CDC14A: variants seen among roughly 807,000 people sequenced by gnomAD.
CDC14A encodes dual specificity protein phosphatase CDC14A.
In CDC14A, 53 loss-of-function variants were observed where a neutral mutation model predicts 74.4. The ratio of observed to expected loss-of-function variants is 0.71; its 90% CI spans 0.57 to 0.89. The LOEUF (loss-of-function observed/expected upper bound fraction) is 0.89, where lower values mean the gene tolerates loss of function less well. Ranked by LOEUF, CDC14A falls within the 40% of genes least tolerant of loss-of-function variation. The probability of loss-of-function intolerance (pLI) is 0.00; values close to 1 mark genes in which losing one functional copy is unlikely to be tolerated. For synonymous variants in CDC14A, 247 were observed against 258.4 expected, an observed-to-expected ratio of 0.96 and a Z score of 0.43; for missense variants, 646 against 713.7, an observed-to-expected ratio of 0.91 and a Z score of 1.08.
At chr1:100,509,553 CAT>C (rs1571363457) in intron 15 of CDC14A, among the ~76,000 whole-genome samples, 1 of 152,190 alleles carries the variant, frequency 6.6e-6, no homozygotes, top group Non-Finnish European at 1.5e-5. Flanking sequence ...TGTGTGTGCA[CAT>C]GTGTGTCAGA....
intron 12 of CDC14A, 80 bp downstream of exon 12, chr1:100,495,010 A>G (rs1647578393): frequency 2.7e-6 from 2 of 734,718 alleles, no homozygotes; most frequent in Non-Finnish European, 4.6e-6. Context: ...TTAATCTGTA[A>G]TCTTCTGTTT....
At chr1:100,477,088 A>G (rs1321523127) in intron 10 of CDC14A, among the ~76,000 whole-genome samples, 1 of 152,150 alleles carries the variant, frequency 6.6e-6, no homozygotes, top group Non-Finnish European at 1.5e-5. Flanking sequence ...GAAACAAATT[A>G]TCTCCTCAAA....
At chr1:100,412,696 T>TTATATATATATATATATATATATATA (rs139550432) in intron 4 of CDC14A, among the ~76,000 whole-genome samples, 2 of 74,136 alleles carry the variant, frequency 2.7e-5, no homozygotes, top group African/African-American at 2.3e-4. Flanking sequence ...CCTGTATGTT[T>TTATATATATATATATATATATATATA]TATATATATA....
chr1:100,377,055 T>TG (rs1295014660), intron 2 of CDC14A, among the ~76,000 whole-genome samples: 1 of 150,248 alleles, frequency 6.7e-6, no homozygotes, highest in East Asian at 1.9e-4. Flanking sequence ...TTTTTTGCGA[T>TG]GGAGTTTCAC....
intron 4 of CDC14A, among the ~76,000 whole-genome samples, chr1:100,396,647 T>A (rs564504761): frequency 1.1e-4 from 16 of 152,310 alleles, no homozygotes; most frequent in Admixed American, 3.9e-4. Context: ...AGCCTTTTTT[T>A]AAAAAATAAA....
At chr1:100,418,141 C>T (rs1661767621) in intron 4 of CDC14A, among the ~76,000 whole-genome samples, 1 of 152,136 alleles carries the variant, frequency 6.6e-6, no homozygotes, top group Non-Finnish European at 1.5e-5. Flanking sequence ...GATTAATGAA[C>T]CAAGTTATGT....
At chr1:100,388,525 A>G (rs1300924660) in intron 3 of CDC14A, among the ~76,000 whole-genome samples, 1 of 152,222 alleles carries the variant, frequency 6.6e-6, no homozygotes, top group African/African-American at 2.4e-5. Flanking sequence ...TCATAGGAGT[A>G]TTTGTATAAA....
chr1:100,431,041 A>G (rs1663600498), intron 5 of CDC14A, among the ~76,000 whole-genome samples: 1 of 152,190 alleles, frequency 6.6e-6, no homozygotes, highest in Non-Finnish European at 1.5e-5. Context: ...TCCAGTCCAA[A>G]CTGTTGAATC....
At chr1:100,364,127 CA>C (rs905643798) in intron 2 of CDC14A, among the ~76,000 whole-genome samples, 13 of 146,414 alleles carry the variant, frequency 8.9e-5, no homozygotes, top group African/African-American at 1.5e-4. Context: ...GACCCTGTCA[CA>C]AAAAAAAAAT....
intron 5 of CDC14A, among the ~76,000 whole-genome samples, chr1:100,429,293 A>G (rs777535935): frequency 6.6e-6 from 1 of 152,058 alleles, no homozygotes; most frequent in Non-Finnish European, 1.5e-5. Context: ...ACAATAAATA[A>G]CATCCAGGGA....
At chr1:100,404,190 CAA>C (rs34245613) in intron 4 of CDC14A, among the ~76,000 whole-genome samples, 4 of 133,558 alleles carry the variant, frequency 3.0e-5, no homozygotes. Context: ...GACTCCGTCT[CAA>C]AAAAAAAAAA....
intron 15 of CDC14A, among the ~76,000 whole-genome samples, chr1:100,504,340 T>G (rs1649048775): frequency 6.6e-6 from 1 of 152,214 alleles, no homozygotes; most frequent in African/African-American, 2.4e-5. Flanking sequence ...AATTTTTCCT[T>G]TCTTCTCCAT....
At chr1:100,445,039 A>C (rs758764607) in intron 7 of CDC14A, among the ~76,000 whole-genome samples, 2 of 152,238 alleles carry the variant, frequency 1.3e-5, no homozygotes, top group Non-Finnish European at 2.9e-5. Flanking sequence ...ACTTATAAGA[A>C]AGAAGGTCAG....
chr1:100,370,773 T>C (rs1654371938), intron 2 of CDC14A, among the ~76,000 whole-genome samples: 3 of 152,158 alleles, frequency 2.0e-5, no homozygotes, highest in Admixed American at 1.3e-4. Flanking sequence ...TTTTTGCTTA[T>C]TGCTTTGACT....
chr1:100,454,526 G>A (rs1000244319), intron 7 of CDC14A, among the ~76,000 whole-genome samples: 13 of 152,262 alleles, frequency 8.5e-5, no homozygotes, highest in South Asian at 2.1e-4. Flanking sequence ...GAAGAAAATG[G>A]GGGAGATGAT....
At chr1:100,412,722 AT>A (rs1334139293) in intron 4 of CDC14A, among the ~76,000 whole-genome samples, 60 of 73,866 alleles carry the variant, frequency 8.1e-4, no homozygotes, top group Non-Finnish European at 1.2e-3. Flanking sequence ...ATATATATAT[AT>A]TTTATATATA....
At chr1:100,460,464 C>G (rs905424621) in intron 8 of CDC14A, among the ~76,000 whole-genome samples, 3 of 152,150 alleles carry the variant, frequency 2.0e-5, no homozygotes, top group African/African-American at 7.2e-5. Flanking sequence ...GGCATGCTAG[C>G]AACCCAGAGG....
chr1:100,465,504 A>G (rs111380939), intron 9 of CDC14A, among the ~76,000 whole-genome samples: 1 of 152,196 alleles, frequency 6.6e-6, no homozygotes, highest in African/African-American at 2.4e-5. Context: ...ATCTGCCCTA[A>G]TTAAGTCAGC....
intron 11 of CDC14A, among the ~76,000 whole-genome samples, chr1:100,486,865 T>C (rs1670069304): frequency 6.6e-6 from 1 of 152,238 alleles, no homozygotes; most frequent in Non-Finnish European, 1.5e-5. Flanking sequence ...AATGGCTTTG[T>C]GCAAGTAACT....
Sources: allele counts gnomAD v4.1 joint callset (sites outside exome capture counted in the v4.1 genomes callset), GRCh38; gene constraint gnomAD v4.1.1; transcripts MANE v1.5; gene names NCBI Gene and HGNC (gene_info 2026-07-23, HGNC 2026-07-21).